The following ALDH3B2 variants were observed in gnomAD, a reference collection of about 807,000 sequenced individuals.
The protein encoded by ALDH3B2 is aldehyde dehydrogenase 3 family member B2, also known as aldehyde dehydrogenase family 3 member B2.
A neutral mutation model predicts 36.7 loss-of-function variants in ALDH3B2; 45 were observed. That is an observed-to-expected ratio of 1.23 (90% CI 0.97 to 1.57). The LOEUF (loss-of-function observed/expected upper bound fraction) is 1.57, where lower values mean the gene tolerates loss of function less well. Among genes scored for constraint, ALDH3B2 ranks in the 40% most tolerant of loss-of-function variants. The probability of loss-of-function intolerance (pLI) is 0.00; values close to 1 mark genes in which losing one functional copy is unlikely to be tolerated. For missense variants in ALDH3B2, 464 were observed against 513.3 expected (o/e 0.90, Z 0.93); for synonymous variants, 217 against 226.5 (o/e 0.96, Z 0.38).
At chr11:67,675,747 T>C (rs180693367), upstream of ALDH3B2, among the ~76,000 whole-genome samples, 115 of 152,330 alleles carry the variant, frequency 7.5e-4, no homozygotes, top group African/African-American at 2.7e-3. Context: ...CTAAGGCCCA[T>C]CTAAGAGCAG....
At chr11:67,678,129 A>G (rs1856303721), upstream of ALDH3B2, among the ~76,000 whole-genome samples, 2 of 152,200 alleles carry the variant, frequency 1.3e-5, no homozygotes, top group Non-Finnish European at 2.9e-5. Context: ...TAAACTTCAT[A>G]TGGAACCAAA....
chr11:67,680,718 A>G (rs1002559310), intron 1 of ALDH3B2, among the ~76,000 whole-genome samples: 13 of 152,108 alleles, frequency 8.5e-5, no homozygotes, highest in Non-Finnish European at 1.9e-4. Flanking sequence ...CACCTGGCCA[A>G]TTGTCAAATT....
chr11:67,672,085 A>ATATATATATATATATG (rs1398899805), intron 1 of ALDH3B2, among the ~76,000 whole-genome samples: 9 of 52,834 alleles, frequency 1.7e-4, no homozygotes, highest in Non-Finnish European at 2.2e-4. Flanking sequence ...ATATATATAT[A>ATATATATATATATATG]TATGTATGTA....
intron 1 of ALDH3B2, among the ~76,000 whole-genome samples, chr11:67,671,822 C>G (rs1856122601): frequency 6.6e-6 from 1 of 151,100 alleles, no homozygotes; most frequent in Non-Finnish European, 1.5e-5. Context: ...GGATTACAGG[C>G]ATGAGCCACC....
exon 5 of ALDH3B2, chr11:67,666,394 G>A (rs1365585332): frequency 6.2e-6 from 10 of 1,606,258 alleles, no homozygotes; most frequent in Middle Eastern, 1.7e-4. Flanking sequence ...TCAGCACCAC[G>A]CAACTCCCTG....
chr11:67,664,605 G>T, intron 7 of ALDH3B2, 43 bp from the exon 8 acceptor site: 1 of 1,606,448 alleles, frequency 6.2e-7, no homozygotes, highest in Non-Finnish European at 8.5e-7. Flanking sequence ...CCACAGTCAG[G>T]ACTGCCCCCA....
chr11:67,668,390 G>C (rs1855980224), intron 1 of ALDH3B2, among the ~76,000 whole-genome samples: 1 of 152,174 alleles, frequency 6.6e-6, no homozygotes, highest in Non-Finnish European at 1.5e-5. Flanking sequence ...GTGGGGTCTG[G>C]AGAGGAGGAA....
At position 67,664,283 on chromosome 11, in the gene ALDH3B2, C is replaced by T. The variant is rs1015230698; in HGVS notation, c.873+113G>A. 23 of 1,523,754 alleles carry T rather than the reference C, an allele frequency of 1.5e-5. No homozygotes were observed. The East Asian group carries it at 5.2e-4, about 34-fold the overall frequency. 94.4% of individuals were successfully genotyped at this position (1,523,754 alleles called of 1,614,324 possible). A position where few individuals can be genotyped will look rare whatever the true frequency, so the allele number is the denominator to read the frequency against. ...GTACCAGGTGGCCTAGATATAGTCA[C>T]CCTTGAGGCATCTGCTGCTCTAAAG... is the stretch of plus-strand genomic sequence containing the variant. On this transcript the variant is annotated intron_variant, in intron 8 of 9. Coordinates refer to ENST00000349015, the Ensembl canonical transcript of ALDH3B2.
intron 1 of ALDH3B2, among the ~76,000 whole-genome samples, chr11:67,671,540 TC>T (rs56238526): frequency 0.14 from 20,267 of 144,892 alleles, 2,080 homozygotes; most frequent in African/African-American, 0.29. Flanking sequence ...CCAACCTGCC[TC>T]CCCCCCCTTT....
At chr11:67,678,658 G>GAT (rs1487763815), upstream of ALDH3B2, among the ~76,000 whole-genome samples, 3 of 146,198 alleles carry the variant, frequency 2.1e-5, no homozygotes, top group Non-Finnish European at 3.0e-5. Flanking sequence ...TATACACTAT[G>GAT]ATATATATAT....
At chr11:67,663,133 G>C in exon 10 of ALDH3B2, 1 of 1,470,048 alleles carries the variant, frequency 6.8e-7, no homozygotes, top group Non-Finnish European at 9.2e-7. Context: ...CGGTCTGGAG[G>C]AACAATGTGA....
chr11:67,665,770 G>A (rs1411214102), intron 6 of ALDH3B2, 99 bp from the exon 7 acceptor site: 19 of 1,497,598 alleles, frequency 1.3e-5, no homozygotes, highest in African/African-American at 8.4e-5. Context: ...TGTTGGAGTC[G>A]GCGGGCTTCC....
intron 1 of ALDH3B2, among the ~76,000 whole-genome samples, chr11:67,670,244 CTGTGTGTGTATGGGTGTGTGTGT>C (rs1856067661): frequency 1.1e-5 from 1 of 94,506 alleles, no homozygotes; most frequent in Non-Finnish European, 2.2e-5. Context: ...GTATGGGTGT[CTGTGTGTGTATGGGTGTGTGTGT>C]CCACGTGTGT....
At chr11:67,668,450 G>C (rs757923446) in intron 1 of ALDH3B2, among the ~76,000 whole-genome samples, 14 of 152,172 alleles carry the variant, frequency 9.2e-5, no homozygotes, top group Non-Finnish European at 1.9e-4. Context: ...ACACTCAAGA[G>C]GATTGCCAGG....
chr11:67,670,038 GTGTATGGGTGTCTCTA>G (rs1283160633), intron 1 of ALDH3B2, among the ~76,000 whole-genome samples: 6 of 17,156 alleles, frequency 3.5e-4, no homozygotes, highest in Non-Finnish European at 1.3e-3. Context: ...GTGTCTGTGT[GTGTATGGGTGTCTCTA>G]TGTGTATGGG....
chr11:67,666,881 C>G, intron 3 of ALDH3B2, 25 bp downstream of exon 3: 1 of 1,614,198 alleles, frequency 6.2e-7, no homozygotes, highest in East Asian at 2.2e-5. Flanking sequence ...GCCCTGCCCT[C>G]CTGCCGCCTG....
chr11:67,678,740 TATAC>T (rs1025947370), upstream of ALDH3B2, among the ~76,000 whole-genome samples: 6 of 151,032 alleles, frequency 4.0e-5, no homozygotes, highest in African/African-American at 1.5e-4. Context: ...ATGGCATATA[TATAC>T]ATACTATGAT....
chr11:67,672,937 T>C (rs1469177162), intron 1 of ALDH3B2, among the ~76,000 whole-genome samples: 2 of 148,230 alleles, frequency 1.3e-5, no homozygotes, highest in Non-Finnish European at 3.0e-5. Flanking sequence ...TCTTTTCTTT[T>C]TTTTTTTTTT....
rs118085153 is a variant in ALDH3B2, at chr11:67,667,438, C to G, written c.-82+35G>C. On this transcript the variant is annotated intron_variant, in intron 2 of 9. Coordinates refer to ENST00000349015, the Ensembl canonical transcript of ALDH3B2. ...CCTGAAAGAGGACAGGGACGCTGCTCCAGCCCCTGCCGGGGCCCACTCTCC... is the reference window on the plus strand; with the variant it reads ...CCTGAAAGAGGACAGGGACGCTGCTGCAGCCCCTGCCGGGGCCCACTCTCC... The G allele has an allele frequency of 4.8e-3, 1,718 of 356,320 alleles. 25 individuals carry two copies. Among genetic ancestry groups the G allele is most frequent in the African/African-American group, 0.027 (1,284 of 47,066 alleles). 22.1% of individuals were successfully genotyped at this position (356,320 alleles called of 1,614,324 possible).
Sources: gnomAD v4.1 joint callset for allele counts (sites outside exome capture counted in the v4.1 genomes callset) on GRCh38, gnomAD v4.1.1 for gene constraint, MANE v1.5 for transcripts, NCBI Gene and HGNC (gene_info 2026-07-23, HGNC 2026-07-21) for gene names.